The following TCERG1L variants were observed in gnomAD, a reference collection of about 807,000 sequenced individuals.
TCERG1L encodes transcription elongation regulator 1-like protein.
TCERG1L carries 37 observed loss-of-function variants against 56.3 expected under a neutral mutation model. The ratio of observed to expected loss-of-function variants is 0.66; its 90% CI spans 0.51 to 0.87. The LOEUF (loss-of-function observed/expected upper bound fraction) is 0.87. TCERG1L is among the 40% of genes least tolerant of loss of function. The probability of loss-of-function intolerance (pLI) is 0.00; values close to 1 mark genes in which losing one functional copy is unlikely to be tolerated. For missense variants in TCERG1L, 799 were observed against 774.2 expected (o/e 1.03, Z -0.38); for synonymous variants, 324 against 326.3 (o/e 0.99, Z 0.08).
intron 4 of TCERG1L, among the ~76,000 whole-genome samples, chr10:131,222,375 C>T (rs375559745): frequency 2.6e-5 from 4 of 152,192 alleles, no homozygotes; most frequent in East Asian, 1.9e-4. Context: ...AGTGCTGCCC[C>T]GAGGGGCCAT....
At chr10:131,152,118 A>T (rs1845872616) in intron 6 of TCERG1L, among the ~76,000 whole-genome samples, 1 of 152,204 alleles carries the variant, frequency 6.6e-6, no homozygotes. Flanking sequence ...TGTCTTGGTG[A>T]TTAACATTTG....
intron 4 of TCERG1L, among the ~76,000 whole-genome samples, chr10:131,201,119 G>A (rs1419553559): frequency 6.6e-6 from 1 of 152,216 alleles, no homozygotes; most frequent in Non-Finnish European, 1.5e-5. Context: ...CACATGAAAC[G>A]TGGAGGGGAC....
At chr10:131,307,429 A>C (rs1009198324) in intron 3 of TCERG1L, among the ~76,000 whole-genome samples, 2 of 152,220 alleles carry the variant, frequency 1.3e-5, no homozygotes, top group African/African-American at 4.8e-5. Context: ...TTAGAGACAC[A>C]TATTGAGACA....
At chr10:131,252,878 A>G (rs1171615000) in intron 4 of TCERG1L, among the ~76,000 whole-genome samples, 3 of 152,200 alleles carry the variant, frequency 2.0e-5, no homozygotes, top group Non-Finnish European at 2.9e-5. Flanking sequence ...TAAAGCAGCC[A>G]TGGGTGACTC....
At chr10:131,250,311 G>A (rs1846094077) in intron 4 of TCERG1L, among the ~76,000 whole-genome samples, 1 of 144,106 alleles carries the variant, frequency 6.9e-6, no homozygotes, top group Admixed American at 6.8e-5. Context: ...CACAGACGCA[G>A]GCTAATCTGT....
At chr10:131,117,008 C>T (rs894341196) in intron 8 of TCERG1L, 74 bp from the exon 9 acceptor site, 6 of 1,510,394 alleles carry the variant, frequency 4.0e-6, no homozygotes, top group Non-Finnish European at 5.3e-6. Flanking sequence ...CCTTTACAAA[C>T]CCTCCTCAAG....
intron 1 of TCERG1L, among the ~76,000 whole-genome samples, chr10:131,310,675 C>T (rs982956250): frequency 1.3e-5 from 2 of 152,180 alleles, no homozygotes; most frequent in African/African-American, 4.8e-5. Flanking sequence ...TTCTAAAGTG[C>T]AGTGTGGCAT....
chr10:131,266,862 A>G (rs1369176878), intron 3 of TCERG1L, among the ~76,000 whole-genome samples: 6 of 151,746 alleles, frequency 4.0e-5, no homozygotes, highest in Non-Finnish European at 7.4e-5. Context: ...TCATCCTGGC[A>G]CCTCTCTGTC....
At chr10:131,284,329 A>G (rs1846496608) in intron 3 of TCERG1L, among the ~76,000 whole-genome samples, 1 of 152,128 alleles carries the variant, frequency 6.6e-6, no homozygotes, top group South Asian at 2.1e-4. Context: ...TAAAACTACA[A>G]TGAAAATTTA....
chr10:131,153,525 G>T (rs1418974305), intron 6 of TCERG1L, among the ~76,000 whole-genome samples: 1 of 152,162 alleles, frequency 6.6e-6, no homozygotes, highest in Non-Finnish European at 1.5e-5. Context: ...CTTTCTGAGG[G>T]ATTTTCCCAG....
intron 4 of TCERG1L, among the ~76,000 whole-genome samples, chr10:131,183,689 T>C (rs1243406335): frequency 6.6e-6 from 1 of 152,220 alleles, no homozygotes; most frequent in Non-Finnish European, 1.5e-5. Context: ...GCCCCGCCAC[T>C]GACTCCCCCC....
intron 4 of TCERG1L, among the ~76,000 whole-genome samples, chr10:131,237,485 G>GT (rs1378023126): frequency 6.6e-6 from 1 of 152,220 alleles, no homozygotes; most frequent in Non-Finnish European, 1.5e-5. Context: ...GTTTACTGAA[G>GT]TGAGTGGAGG....
intron 3 of TCERG1L, among the ~76,000 whole-genome samples, chr10:131,273,300 G>C (rs529128208): frequency 6.6e-6 from 1 of 152,122 alleles, no homozygotes; most frequent in Non-Finnish European, 1.5e-5. Context: ...GGTGATTCTC[G>C]GGCAGTGTCT....
chr10:131,143,136 C>T (rs1260963752), intron 7 of TCERG1L, among the ~76,000 whole-genome samples: 4 of 152,166 alleles, frequency 2.6e-5, no homozygotes, highest in African/African-American at 7.2e-5. Context: ...CCTTGTGTGG[C>T]TTTTAGCCTC....
chr10:131,147,019 T>C (rs984866044), intron 6 of TCERG1L, among the ~76,000 whole-genome samples: 1 of 151,804 alleles, frequency 6.6e-6, no homozygotes, highest in Non-Finnish European at 1.5e-5. Flanking sequence ...CTGGGGCGCC[T>C]CCTGGCCCTG....
chr10:131,111,671 A>C (rs12242857), intron 9 of TCERG1L, among the ~76,000 whole-genome samples: 46,163 of 141,902 alleles, frequency 0.33, 12,431 homozygotes, highest in Middle Eastern at 0.41. Flanking sequence ...GCACAGCCTG[A>C]CCTTCCCCTC....
chr10:131,131,848 C>G (rs749591187), intron 8 of TCERG1L, among the ~76,000 whole-genome samples: 1 of 152,186 alleles, frequency 6.6e-6, no homozygotes, highest in Non-Finnish European at 1.5e-5. Flanking sequence ...ATTACGCTAT[C>G]CACACAAAAA....
chr10:131,107,424 T>A lies in TCERG1L; in HGVS notation c.1396-3070A>T, dbSNP rs569717222. Among the ~76,000 whole-genome samples the A allele has an allele frequency of 4.8e-4, 73 of 152,268 alleles. No homozygotes were observed. The Middle Eastern group carries it at 0.021, about 43-fold the overall frequency. Reference sequence around the variant, plus strand: ...GTCAGATAAGCCATCTCTACAATGATTACAACTCATAATGATAAAACCAAC... The same window carrying A: ...GTCAGATAAGCCATCTCTACAATGAATACAACTCATAATGATAAAACCAAC... On this transcript the variant is annotated intron_variant, in intron 9 of 11. Coordinates refer to ENST00000368642, the MANE Select transcript of TCERG1L (RefSeq NM_174937.4).
At chr10:131,283,658 A>G (rs7101102) in intron 3 of TCERG1L, among the ~76,000 whole-genome samples, 11,258 of 152,248 alleles carry the variant, frequency 0.074, 512 homozygotes, top group African/African-American at 0.12. Context: ...TATAATGAAT[A>G]AAGAAAAACT....
Sources: allele counts gnomAD v4.1 joint callset (sites outside exome capture counted in the v4.1 genomes callset), GRCh38; gene constraint gnomAD v4.1.1; transcripts MANE v1.5; gene names NCBI Gene and HGNC (gene_info 2026-07-23, HGNC 2026-07-21).